SVEP1: variants seen among roughly 807,000 people sequenced by gnomAD.
SVEP1 encodes the protein sushi, von Willebrand factor type A, EGF and pentraxin domain containing 1.
A neutral mutation model predicts 367.3 loss-of-function variants in SVEP1; 164 were observed. The observed-to-expected ratio is 0.45, with a 90% CI of 0.39 to 0.51. The LOEUF is 0.51. SVEP1 is among the 20% of genes least tolerant of loss of function. SVEP1 has a pLI of 0.00. For missense variants in SVEP1, 4,117 were observed against 4,425.3 expected, an observed-to-expected ratio of 0.93 and a Z score of 1.98; for synonymous variants, 1,666 against 1,611.6, an observed-to-expected ratio of 1.03 and a Z score of -0.81.
chr9:110,566,881 CTT>C lies in SVEP1; in HGVS notation c.531+12130_531+12131del, dbSNP rs558458677. Among the ~76,000 whole-genome samples, 171 of 152,314 alleles carry C rather than the reference CTT, an allele frequency of 1.1e-3. 4 individuals carry two copies. The South Asian group carries it at 0.034, about 31-fold the overall frequency. The stretch of plus-strand genomic sequence containing the variant: ...TCCAGAGGTGCTGTAAAGTTTACCT[CTT>C]TGATCACAATTTGTGGGAAAACAGG... On this transcript the variant is annotated intron_variant, in intron 1 of 47. Transcript: ENST00000374469.
chr9:110,375,319 G>C, intron 46 of SVEP1, 49 bp downstream of exon 46: 1 of 1,482,102 alleles, frequency 6.7e-7, no homozygotes, highest in Non-Finnish European at 9.1e-7. Flanking sequence ...GTCCTCTGGA[G>C]TTTCATGGGC....
chr9:110,411,310 G>A lies in SVEP1; in HGVS notation c.6401C>T (p.Pro2134Leu). 1 of 1,614,038 alleles carries A rather than the reference G, an allele frequency of 6.2e-7. No individual in the cohort carries two copies. Among genetic ancestry groups the A allele is most frequent in the Non-Finnish European group, 8.5e-7 (1 of 1,179,900 alleles). Residue 2134 changes from proline to leucine, a missense_variant, in exon 37 of 48, where the codon CCT (proline) becomes CTT (leucine). Pro to Leu is a moderately conservative substitution (Grantham distance 98, BLOSUM62 -3). Coordinates refer to ENST00000374469, the MANE Select transcript of SVEP1 (RefSeq NM_153366.4). ...GATGCACTGGATGGACATGGGGGAA[G>A]GGTTCCACTGCCCACCTCTCATACA... is the stretch of plus-strand genomic sequence containing the variant. Reference protein sequence around the residue: ...IECMRGGQWNPSPMSIQCIPV... With the variant: ...IECMRGGQWNLSPMSIQCIPV...
chr9:110,522,407 T>C (rs1446415206), intron 3 of SVEP1, among the ~76,000 whole-genome samples: 2 of 152,228 alleles, frequency 1.3e-5, no homozygotes, highest in African/African-American at 4.8e-5. Context: ...TACCAACTTA[T>C]CTGCCAGATG....
Position 110,411,859 on chromosome 9 carries a change from C to G in SVEP1, c.5976-124G>C, listed in dbSNP as rs1160238608. 4.3e-6 allele frequency: 4 copies of G among 927,972 alleles called. No individual in the cohort carries two copies. The Admixed American group carries it at 1.3e-4, about 31-fold the overall frequency. The allele number at this position is 927,972 out of a possible 1,614,324, so 57.5% of individuals were successfully genotyped here. On this transcript the variant is annotated intron_variant, in intron 36 of 47. Coordinates refer to ENST00000374469, the MANE Select transcript of SVEP1 (RefSeq NM_153366.4). ...TAAATTTATCTTTAAAATAATATTTCCTCTTTGAATACTGAGCTTATTGAT... is the reference window on the plus strand; with the variant it reads ...TAAATTTATCTTTAAAATAATATTTGCTCTTTGAATACTGAGCTTATTGAT...
chr9:110,510,493 C>G (rs1829692176), intron 5 of SVEP1, among the ~76,000 whole-genome samples: 1 of 152,176 alleles, frequency 6.6e-6, no homozygotes, highest in South Asian at 2.1e-4. Flanking sequence ...GAGGTCACCC[C>G]ATTCAGGAGG....
At chr9:110,392,305 T>C (rs967149051) in intron 40 of SVEP1, among the ~76,000 whole-genome samples, 1 of 152,014 alleles carries the variant, frequency 6.6e-6, no homozygotes, top group Non-Finnish European at 1.5e-5. Context: ...AACTGGGTCA[T>C]TGGTCCTGTA....
chr9:110,374,994 G>A (rs887651153), intron 46 of SVEP1, among the ~76,000 whole-genome samples: 1 of 151,080 alleles, frequency 6.6e-6, no homozygotes, highest in East Asian at 1.9e-4. Flanking sequence ...TTGTATTTAT[G>A]TATAACCTTG....
At chr9:110,396,898 A>G (rs376021365) in intron 40 of SVEP1, among the ~76,000 whole-genome samples, 5 of 152,064 alleles carry the variant, frequency 3.3e-5, no homozygotes, top group Admixed American at 1.3e-4. Flanking sequence ...ATTCACAGCC[A>G]AATTCTACCA....
At chr9:110,551,624 C>T (rs546766201) in intron 1 of SVEP1, among the ~76,000 whole-genome samples, 10 of 152,234 alleles carry the variant, frequency 6.6e-5, no homozygotes, top group African/African-American at 1.9e-4. Context: ...TGGAGACATT[C>T]CCCAAATAAA....
intron 7 of SVEP1, among the ~76,000 whole-genome samples, chr9:110,498,319 G>A (rs1228332319): frequency 6.6e-6 from 1 of 152,142 alleles, no homozygotes; most frequent in Non-Finnish European, 1.5e-5. Flanking sequence ...TCTCTTGGTA[G>A]AGAAATTTTT....
chr9:110,447,517 G>C (rs1399070751), intron 24 of SVEP1, among the ~76,000 whole-genome samples: 1 of 152,186 alleles, frequency 6.6e-6, no homozygotes, highest in African/African-American at 2.4e-5. Flanking sequence ...GTGGGGTTTT[G>C]AATCAACCTA....
chr9:110,544,729 T>C (rs1339400076), intron 3 of SVEP1, among the ~76,000 whole-genome samples: 1 of 149,820 alleles, frequency 6.7e-6, no homozygotes, highest in East Asian at 2.0e-4. Context: ...ATTATGACAA[T>C]TACCATATCT....
chr9:110,429,012 T>G, intron 35 of SVEP1, 131 bp downstream of exon 35: 10 of 712,788 alleles, frequency 1.4e-5, no homozygotes, highest in South Asian at 5.3e-5. Context: ...GAGATTGCAG[T>G]GAGCTGAGAT....
chr9:110,530,529 TTTTG>T lies in SVEP1; in HGVS notation c.964+15582_964+15585del, dbSNP rs537464250. Among the ~76,000 whole-genome samples the T allele has an allele frequency of 2.4e-3, 358 of 152,182 alleles. 4 individuals are homozygous for T. Among genetic ancestry groups the T allele is most frequent in the African/African-American group, 8.2e-3 (339 of 41,546 alleles). ...TGGTATTCTTATTCATACATCAGTT[TTTTG>T]TTTTTGTTTCTATTTTGTTTTGAGA... On this transcript the variant is annotated intron_variant, in intron 3 of 47. Transcript: ENST00000374469.
Position 110,366,314 on chromosome 9 carries a change from T to G in SVEP1, c.*225A>C. ...GAGCAGCATCTATTTAATATAATTT[T>G]TATATAGAAAATACAGGCATATTTA... On this transcript the variant is annotated 3_prime_UTR_variant, in exon 48 of 48. Transcript: ENST00000374469. The G allele has an allele frequency of 2.5e-6, 1 of 399,984 alleles. No individual in the cohort carries two copies. The highest frequency in any genetic ancestry group is 4.2e-5 in the Admixed American group (1 of 23,586). 24.8% of individuals were successfully genotyped at this position (399,984 alleles called of 1,614,324 possible). A position where few individuals can be genotyped will look rare whatever the true frequency, so the allele number is the denominator to read the frequency against.
At chr9:110,477,793 C>A (rs1433909377) in intron 13 of SVEP1, among the ~76,000 whole-genome samples, 1 of 152,114 alleles carries the variant, frequency 6.6e-6, no homozygotes, top group Admixed American at 6.6e-5. Flanking sequence ...CACTTCTCAC[C>A]ACCTCCAGTG....
intron 5 of SVEP1, among the ~76,000 whole-genome samples, chr9:110,507,618 T>C (rs189364775): frequency 3.0e-4 from 45 of 152,342 alleles, no homozygotes; most frequent in Non-Finnish European, 4.4e-4. Context: ...CCGAAACATT[T>C]TGCCTTCCGT....
rs1004646797 is a variant in SVEP1 at position 110,544,436 on chromosome 9, A to C, written c.964+1679T>G. 2.0e-5 allele frequency among the ~76,000 whole-genome samples: 3 copies of C among 152,334 alleles called. No homozygotes were observed. The South Asian group carries it at 6.2e-4, about 32-fold the overall frequency. On this transcript the variant is annotated intron_variant, in intron 3 of 47. Coordinates refer to ENST00000374469, the MANE Select transcript of SVEP1 (RefSeq NM_153366.4). ...TCTTTAGGTAAAAAACAAATCCAACAAATGCTATCCAATACAGAAAAACTA... is the reference window on the plus strand; with the variant it reads ...TCTTTAGGTAAAAAACAAATCCAACCAATGCTATCCAATACAGAAAAACTA...
intron 42 of SVEP1, among the ~76,000 whole-genome samples, chr9:110,386,862 G>A (rs1036007682): frequency 1.3e-5 from 2 of 152,134 alleles, no homozygotes; most frequent in East Asian, 3.8e-4. Context: ...GTTTTCATTC[G>A]AATGGCTATA....
Sources: allele counts gnomAD v4.1 joint callset (sites outside exome capture counted in the v4.1 genomes callset), GRCh38; gene constraint gnomAD v4.1.1; transcripts MANE v1.5; gene names NCBI Gene and HGNC (gene_info 2026-07-23, HGNC 2026-07-21).